Variants in MADD observed in about 807,000 individuals in gnomAD.
MADD encodes the protein MAP kinase activating death domain, also known as MAP kinase-activating death domain protein.
In MADD, 109 loss-of-function variants were observed where a neutral mutation model predicts 176.7. The ratio of observed to expected loss-of-function variants is 0.62; its 90% CI spans 0.53 to 0.72. The LOEUF is 0.72. Ranked by LOEUF, MADD falls within the 30% of genes least tolerant of loss-of-function variation. The pLI is 0.00. For missense variants in MADD, 1,914 were observed against 2,045.5 expected (o/e 0.94, Z 1.24); for synonymous variants, 771 against 771.3 (o/e 1.00, Z 0.01).
chr11:47,274,063 T>A, intron 2 of MADD, 87 bp downstream of exon 2: 1 of 1,230,662 alleles, frequency 8.1e-7, no homozygotes, highest in Non-Finnish European at 1.2e-6. Flanking sequence ...TCCATGTTGC[T>A]TTGCATAGCT....
intron 27 of MADD, 21 bp from the exon 31 acceptor site, chr11:47,323,650 C>T: frequency 6.2e-7 from 1 of 1,608,042 alleles, no homozygotes; most frequent in Non-Finnish European, 8.5e-7. Flanking sequence ...AACCACTGAG[C>T]CGCTTTGTGC....
intron 19 of MADD, 85 bp from the exon 21 acceptor site, chr11:47,292,458 T>TTGGG (rs1565395679): frequency 8.2e-7 from 1 of 1,219,322 alleles, no homozygotes; most frequent in South Asian, 1.2e-5. Context: ...CTGAATCGAC[T>TTGGG]TGGGTGGGTG....
chr11:47,289,187 TG>T (rs2063202690), intron 15 of MADD, among the ~76,000 whole-genome samples, 160 bp downstream of exon 16: 1 of 152,154 alleles, frequency 6.6e-6, no homozygotes, highest in Non-Finnish European at 1.5e-5. Context: ...GGCTTGCTGC[TG>T]GTGCATGTGG....
At chr11:47,304,233 CT>C (rs757249187) in intron 22 of MADD, among the ~76,000 whole-genome samples, 217 of 139,672 alleles carry the variant, frequency 1.6e-3, no homozygotes, top group Non-Finnish European at 1.8e-3. Flanking sequence ...GTATTTTTTC[CT>C]TTTTTTTTTT....
rs761209377 is a variant in MADD at position 47,323,844 on chromosome 11, G to T, written c.4362+9G>T. On this transcript the variant is annotated intron_variant, in intron 28 of 32. Transcript: ENST00000402192. ...AGTTCTATACTAAAAAGGTACGCAG[G>T]ATCTGTGTTTGGGTTGGGGCTAGTA... 21 of 1,613,338 alleles carry T rather than the reference G, an allele frequency of 1.3e-5. No individual in the cohort carries two copies. Among genetic ancestry groups the T allele is most frequent in the Non-Finnish European group, 1.8e-5 (21 of 1,179,446 alleles).
At position 47,284,860 on chromosome 11, in the gene MADD, G is replaced by C. The variant is rs2059512607; in HGVS notation, c.2158-81G>C. On this transcript the variant is annotated intron_variant, in intron 12 of 32. Coordinates refer to ENST00000402192, the Ensembl canonical transcript of MADD. ...CTTAGGCTAGAAATCTGACAGGCCTGGTCCAGCCCTGCCAAACTGGGATTA... is the reference window on the plus strand; with the variant it reads ...CTTAGGCTAGAAATCTGACAGGCCTCGTCCAGCCCTGCCAAACTGGGATTA... 3.2e-6 allele frequency: 5 copies of C among 1,567,394 alleles called. 1 individual carries two copies. The highest frequency in any genetic ancestry group is 3.5e-4 in the Middle Eastern group (2 of 5,756).
chr11:47,308,722 C>T lies in MADD; in HGVS notation c.3751+23C>T, dbSNP rs114701810. The T allele has an allele frequency of 1.8e-3, 2,834 of 1,591,024 alleles. 56 individuals are homozygous for T. In the African/African-American group the frequency reaches 0.035, roughly 20 times the overall value. On this transcript the variant is annotated intron_variant, in intron 23 of 32. Coordinates refer to ENST00000402192, the Ensembl canonical transcript of MADD. ...TAGGTGAGAAACACACTGGGAAGGC[C>T]CTTTGCACTGGAGAAAGCTGACTCA...
intron 22 of MADD, among the ~76,000 whole-genome samples, chr11:47,297,933 C>T (rs895956773): frequency 1.3e-4 from 20 of 150,464 alleles, no homozygotes; most frequent in Admixed American, 3.3e-4. Context: ...GGACTACAGG[C>T]GCCCACCACC....
chr11:47,287,782 ATTTTT>A (rs57417064), intron 15 of MADD, among the ~76,000 whole-genome samples: 5 of 55,032 alleles, frequency 9.1e-5, no homozygotes, highest in Admixed American at 2.4e-4. Context: ...AGAAACATGT[ATTTTT>A]TTTTTTTTTT....
exon 30 of MADD, chr11:47,324,571 C>T: frequency 6.2e-7 from 1 of 1,611,648 alleles, no homozygotes; most frequent in Non-Finnish European, 8.5e-7. Flanking sequence ...AATTCATGCA[C>T]AATCAGGTAG....
intron 31 of MADD, chr11:47,327,988 ACCT>A: frequency 1.0e-6 from 1 of 983,638 alleles, no homozygotes; most frequent in South Asian, 4.7e-5. Flanking sequence ...GCTCCCTGTC[ACCT>A]CCCTCCCTGG....
chr11:47,327,439 C>T (rs1287260947), intron 31 of MADD: 5 of 985,288 alleles, frequency 5.1e-6, no homozygotes, highest in African/African-American at 1.7e-5. Context: ...CTTCGTTCTC[C>T]AGCAGGTAAA....
chr11:47,289,092 G>A lies in MADD; in HGVS notation c.2654-299G>A, dbSNP rs936002824. ...TCTCTAGCATCTTCTGTGCCTGCCCGAGGGCCATCCTTCTCATGGAGCAAG... is the reference window on the plus strand; with the variant it reads ...TCTCTAGCATCTTCTGTGCCTGCCCAAGGGCCATCCTTCTCATGGAGCAAG... On this transcript the variant is annotated intron_variant, in intron 15 of 32. Coordinates refer to ENST00000402192, the Ensembl canonical transcript of MADD. The A allele has an allele frequency of 1.2e-5, 18 of 1,455,660 alleles. No individual in the cohort carries two copies. The African/African-American group carries it at 1.3e-4, about 10-fold the overall frequency. 90.2% of individuals were successfully genotyped at this position (1,455,660 alleles called of 1,614,324 possible). A position where few individuals can be genotyped will look rare whatever the true frequency, so the allele number is the denominator to read the frequency against.
intron 28 of MADD, 93 bp from the exon 32 acceptor site, chr11:47,324,172 T>G: frequency 8.5e-7 from 1 of 1,176,888 alleles, no homozygotes; most frequent in Non-Finnish European, 1.2e-6. Context: ...TACCCCTCAC[T>G]TCAACCTCCA....
At position 47,310,369 on chromosome 11, in the gene MADD, A is replaced by G. The variant is rs1157620720; in HGVS notation, c.3978+757A>G. On this transcript the variant is annotated intron_variant, in intron 25 of 32. Transcript: ENST00000402192. Reference sequence around the variant, plus strand: ...GCTAATTTTTCTATTTTTAGTAGAGACGGGGTTTCACAATGTTGGCCAGGC... The same window carrying G: ...GCTAATTTTTCTATTTTTAGTAGAGGCGGGGTTTCACAATGTTGGCCAGGC... Among the ~76,000 whole-genome samples, 3 of 151,068 alleles carry G rather than the reference A, an allele frequency of 2.0e-5. No individual in the cohort carries two copies. The South Asian group carries it at 6.3e-4, about 32-fold the overall frequency.
At chr11:47,305,382 T>C (rs2140389598) in intron 22 of MADD, among the ~76,000 whole-genome samples, 1 of 152,286 alleles carries the variant, frequency 6.6e-6, no homozygotes, top group Middle Eastern at 3.4e-3. Context: ...AGGCACCCGC[T>C]AGCAGCTCAG....
chr11:47,311,097 G>A (rs2088632452), intron 25 of MADD, among the ~76,000 whole-genome samples: 4 of 152,136 alleles, frequency 2.6e-5, no homozygotes, highest in Admixed American at 2.6e-4. Flanking sequence ...GTTCTGCTCT[G>A]AAAGGGAAAC....
At chr11:47,286,656 T>A in intron 15 of MADD, 122 bp downstream of exon 15, 1 of 688,688 alleles carries the variant, frequency 1.5e-6, no homozygotes, top group Non-Finnish European at 2.5e-6. Flanking sequence ...CTCATGTTGC[T>A]CCTCATGGCT....
intron 15 of MADD, 68 bp downstream of exon 16, chr11:47,289,095 G>A: frequency 2.1e-6 from 3 of 1,447,910 alleles, no homozygotes; most frequent in Admixed American, 4.7e-5. Flanking sequence ...CCTGCCCGAG[G>A]GCCATCCTTC....
Sources: gnomAD v4.1 joint callset for allele counts (sites outside exome capture counted in the v4.1 genomes callset) on GRCh38, gnomAD v4.1.1 for gene constraint, MANE v1.5 for transcripts, NCBI Gene and HGNC (gene_info 2026-07-23, HGNC 2026-07-21) for gene names.